The following CFAP95 variants were observed in gnomAD, a reference collection of about 807,000 sequenced individuals.
CFAP95 encodes cilia and flagella associated protein 95, also known as cilia- and flagella-associated protein 95.
At chr9:69,833,712 A>T in the CFAP95 span, among the ~76,000 whole-genome samples, 1 of 152,130 alleles carries the variant, frequency 6.6e-6, no homozygotes, top group Admixed American at 6.5e-5. Flanking sequence ...TCTGGGGATG[A>T]TAACTTGTGA....
At chr9:69,825,894 T>C in the CFAP95 span, among the ~76,000 whole-genome samples, 2 of 152,208 alleles carry the variant, frequency 1.3e-5, no homozygotes, top group Admixed American at 6.5e-5. Context: ...CTGGTCTCCA[T>C]GGTGACATTT....
the CFAP95 span, among the ~76,000 whole-genome samples, chr9:69,878,349 A>C: frequency 6.6e-6 from 1 of 152,130 alleles, no homozygotes; most frequent in Non-Finnish European, 1.5e-5. Flanking sequence ...CGATTTCCTC[A>C]TCAGGGAAGG....
chr9:69,896,375 A>T, the CFAP95 span, among the ~76,000 whole-genome samples: 1 of 152,234 alleles, frequency 6.6e-6, no homozygotes, highest in African/African-American at 2.4e-5. Flanking sequence ...TAATCTTTAA[A>T]AGTCAATTTA....
the CFAP95 span, among the ~76,000 whole-genome samples, chr9:69,873,013 A>C: frequency 4.6e-5 from 7 of 152,182 alleles, no homozygotes; most frequent in Non-Finnish European, 1.0e-4. Flanking sequence ...CCAGGGCTTA[A>C]ATCTTGGGGA....
At chr9:69,893,113 C>T in the CFAP95 span, among the ~76,000 whole-genome samples, 19 of 152,224 alleles carry the variant, frequency 1.2e-4, no homozygotes, top group African/African-American at 4.3e-4. Flanking sequence ...TACACTTTAA[C>T]ACATGCCCTC....
At chr9:69,839,115 G>A in the CFAP95 span, among the ~76,000 whole-genome samples, 2 of 43,604 alleles carry the variant, frequency 4.6e-5, no homozygotes, top group Non-Finnish European at 9.7e-5. Context: ...GCTTTTTGAT[G>A]TGCTGCTGGA....
the CFAP95 span, among the ~76,000 whole-genome samples, chr9:69,871,546 G>A: frequency 3.3e-5 from 5 of 151,808 alleles, no homozygotes; most frequent in Non-Finnish European, 7.4e-5. Context: ...GATGTGGAGG[G>A]GGAGAAGGGT....
the CFAP95 span, among the ~76,000 whole-genome samples, chr9:69,889,632 T>G: frequency 9.9e-5 from 15 of 152,240 alleles, no homozygotes; most frequent in South Asian, 2.9e-3. Flanking sequence ...ATTTGAGAAA[T>G]TTCTCCTGTC....
chr9:69,846,432 A>T, the CFAP95 span, among the ~76,000 whole-genome samples: 1 of 152,348 alleles, frequency 6.6e-6, no homozygotes, highest in African/African-American at 2.4e-5. Flanking sequence ...TCAATAGAAA[A>T]GAAAATAGAC....
the CFAP95 span, among the ~76,000 whole-genome samples, chr9:69,825,108 G>A: frequency 2.0e-5 from 3 of 152,022 alleles, no homozygotes; most frequent in Non-Finnish European, 4.4e-5. Flanking sequence ...CTATTGATTT[G>A]TTTTATGATA....
the CFAP95 span, chr9:69,906,000 G>T: frequency 6.2e-7 from 1 of 1,611,604 alleles, no homozygotes; most frequent in Admixed American, 1.7e-5. Context: ...AGAAAATGCC[G>T]TTCTCAGTTC....
the CFAP95 span, among the ~76,000 whole-genome samples, chr9:69,903,930 C>T: frequency 6.6e-6 from 1 of 152,070 alleles, no homozygotes. Flanking sequence ...CACTGTGTTG[C>T]CCAGGCTGGT....
the CFAP95 span, among the ~76,000 whole-genome samples, chr9:69,866,817 C>G: frequency 1.3e-5 from 2 of 152,320 alleles, no homozygotes; most frequent in South Asian, 4.1e-4. Context: ...TGTTCCATTT[C>G]TTAAACTACC....
the CFAP95 span, among the ~76,000 whole-genome samples, chr9:69,824,455 C>T: frequency 0.18 from 26,805 of 152,050 alleles, 2,528 homozygotes; most frequent in East Asian, 0.33. Flanking sequence ...AGTTGCCCTA[C>T]GTGCATGTTC....
the CFAP95 span, among the ~76,000 whole-genome samples, chr9:69,853,780 G>T: frequency 1.2e-4 from 18 of 152,168 alleles, no homozygotes; most frequent in Admixed American, 9.8e-4. Context: ...AGGATAGCAG[G>T]ACTGGTATGA....
At chr9:69,891,865 T>C in the CFAP95 span, among the ~76,000 whole-genome samples, 1 of 152,180 alleles carries the variant, frequency 6.6e-6, no homozygotes, top group African/African-American at 2.4e-5. Flanking sequence ...ATGAGTGTTG[T>C]TATCACACAG....
the CFAP95 span, among the ~76,000 whole-genome samples, chr9:69,852,873 C>T: frequency 2.6e-5 from 4 of 152,172 alleles, no homozygotes; most frequent in Non-Finnish European, 5.9e-5. Flanking sequence ...AGTTCCCCTG[C>T]ACAAGCACAC....
At chr9:69,890,241 T>A in the CFAP95 span, among the ~76,000 whole-genome samples, 2 of 152,334 alleles carry the variant, frequency 1.3e-5, no homozygotes, top group East Asian at 3.9e-4. Context: ...GGCACATAAA[T>A]CATTAACCAT....
chr9:69,830,026 G>T, the CFAP95 span, among the ~76,000 whole-genome samples: 1 of 152,158 alleles, frequency 6.6e-6, no homozygotes, highest in African/African-American at 2.4e-5. Flanking sequence ...GCGGTAAGCT[G>T]GGCCTTAGGA....
Sources: gnomAD v4.1 joint callset for allele counts (sites outside exome capture counted in the v4.1 genomes callset) on GRCh38, gnomAD v4.1.1 for gene constraint, MANE v1.5 for transcripts, NCBI Gene and HGNC (gene_info 2026-07-23, HGNC 2026-07-21) for gene names.